Variants in URB1 observed in about 807,000 individuals in gnomAD.
URB1 encodes nucleolar pre-ribosomal-associated protein 1.
URB1 carries 197 observed loss-of-function variants against 242.3 expected under a neutral mutation model. That is an observed-to-expected ratio of 0.81 (90% CI 0.72 to 0.91). URB1 has a LOEUF of 0.91. URB1 is among the 40% of genes least tolerant of loss of function. The pLI, the probability that URB1 is intolerant of heterozygous loss-of-function variation, is 0.00. For synonymous variants in URB1, 1,153 were observed against 1,201.8 expected (o/e 0.96, Z 0.84); for missense variants, 2,721 against 2,860.5 (o/e 0.95, Z 1.11).
At position 32,311,336 on chromosome 21, in the gene URB1, G is replaced by A; in HGVS notation, c.*3582C>T. On this transcript the variant is annotated 3_prime_UTR_variant, in exon 39 of 39. Transcript: ENST00000382751. ...AACCATATCACCAAGATACAAGTTGGCTTGGGCTATGGATATAAAATGAAC... is the reference window on the plus strand; with the variant it reads ...AACCATATCACCAAGATACAAGTTGACTTGGGCTATGGATATAAAATGAAC... 3.7e-6 allele frequency: 1 copy of A among 271,774 alleles called. No homozygotes were observed. 16.8% of individuals were successfully genotyped at this position (271,774 alleles called of 1,614,324 possible).
In URB1 at chr21:32,345,428, C is replaced by T. The variant is rs1301946378; in HGVS notation, c.4016G>A (p.Ser1339Asn). The change falls in exon 23 of 39, where the codon AGT becomes AAT. Residue 1339 changes from serine (S) to asparagine (N), a missense_variant. Physicochemically the swap from Ser to Asn is conservative, Grantham distance 46. Coordinates refer to ENST00000382751, the MANE Select transcript of URB1 (RefSeq NM_014825.3). ...LVPFARAKDL[S>N]VLMDRLPSLL... ...GCTGGGCAGGCGGTCCATGAGTACA[C>T]TGAGATCCTTGGCTCGTGCAAACGG... 1.3e-6 allele frequency: 2 copies of T among 1,551,628 alleles called. No homozygotes were observed. The highest frequency in any genetic ancestry group is 1.7e-6 in the Non-Finnish European group (2 of 1,146,984).
intron 26 of URB1, 91 bp downstream of exon 26, chr21:32,338,616 C>A (rs1261584621): frequency 7.2e-7 from 1 of 1,396,430 alleles, no homozygotes; most frequent in African/African-American, 1.4e-5. Context: ...GCTCCGAGAG[C>A]CGGAGGGAGA....
rs2032633478 is a variant in URB1, at chr21:32,313,823, T to C, written c.*1095A>G. 1 of 152,240 alleles carries C rather than the reference T, an allele frequency of 6.6e-6. No individual in the cohort carries two copies. The highest frequency in any genetic ancestry group is 6.5e-5 in the Admixed American group (1 of 15,286). The allele number at this position is 152,240 out of a possible 1,614,324, so 9.4% of individuals were successfully genotyped here. ...TAACTGTGAAAACCACGAAATTTCA[T>C]GACTTTTGTCAGCTACAACCCCAAC... On this transcript the variant is annotated 3_prime_UTR_variant, in exon 39 of 39. Coordinates refer to ENST00000382751, the MANE Select transcript of URB1 (RefSeq NM_014825.3).
Position 32,314,737 on chromosome 21 carries a change from T to C in URB1, c.*181A>G, listed in dbSNP as rs887283695. On this transcript the variant is annotated 3_prime_UTR_variant, in exon 39 of 39. Coordinates refer to ENST00000382751, the MANE Select transcript of URB1 (RefSeq NM_014825.3). ...CTGGGCACCTACAGGCCCGAGTTTA[T>C]CATTTACTGGGCAGTTCAATAAAGT... 9 of 1,480,988 alleles carry C rather than the reference T, an allele frequency of 6.1e-6. No homozygotes were observed. Among genetic ancestry groups the C allele is most frequent in the Non-Finnish European group, 9.4e-7 (1 of 1,067,168 alleles). The allele number at this position is 1,480,988 out of a possible 1,614,324, so 91.7% of individuals were successfully genotyped here.
rs553206075 is a variant in URB1 at position 32,347,047 on chromosome 21, G to A, written c.3777C>T (p.Leu1259=). Residue 1259 remains leucine (L), a synonymous_variant, in exon 22 of 39, where the codon CTC becomes CTT. Coordinates refer to ENST00000382751, the MANE Select transcript of URB1 (RefSeq NM_014825.3). The part of the protein sequence containing the change: ...EQWCLQAGPG[L]GLQGDLDDFL... Reference sequence around the variant, plus strand: ...AGTCGTCCAGGTCCCCCTGGAGGCCGAGCCCTGGGCCAGCCTGCAGGCACC... The same window carrying A: ...AGTCGTCCAGGTCCCCCTGGAGGCCAAGCCCTGGGCCAGCCTGCAGGCACC... 134 of 1,549,854 alleles carry A rather than the reference G, an allele frequency of 8.6e-5. 2 individuals are homozygous for A. The Middle Eastern group carries it at 2.0e-3, about 24-fold the overall frequency.
chr21:32,316,417 C>T, intron 38 of URB1, 49 bp downstream of exon 38: 1 of 1,459,534 alleles, frequency 6.9e-7, no homozygotes, highest in Non-Finnish European at 9.1e-7. Context: ...GCCCCCAGGC[C>T]CACTTCTGCA....
intron 25 of URB1, among the ~76,000 whole-genome samples, chr21:32,341,179 A>G (rs890690874): frequency 6.6e-6 from 1 of 152,238 alleles, no homozygotes; most frequent in Non-Finnish European, 1.5e-5. Flanking sequence ...AAACAGGACA[A>G]ACACAGAAAA....
At chr21:32,386,151 G>GA (rs10717995) in intron 1 of URB1, among the ~76,000 whole-genome samples, 1,297 of 126,444 alleles carry the variant, frequency 0.01, 16 homozygotes, top group East Asian at 0.084. Context: ...TCTGTCTCAG[G>GA]AAAAAAAAAA....
intron 5 of URB1, among the ~76,000 whole-genome samples, chr21:32,376,951 G>A (rs369755194): frequency 6.6e-6 from 1 of 152,160 alleles, no homozygotes; most frequent in African/African-American, 2.4e-5. Context: ...TGTGAGCCAC[G>A]ACGGCCAGCC....
At chr21:32,328,676 G>C (rs1043838605) in intron 30 of URB1, among the ~76,000 whole-genome samples, 1 of 152,126 alleles carries the variant, frequency 6.6e-6, no homozygotes, top group African/African-American at 2.4e-5. Context: ...CAGCTGGCTG[G>C]GATATTTTTA....
intron 21 of URB1, 29 bp downstream of exon 21, chr21:32,349,275 A>AT (rs1237495837): frequency 1.3e-6 from 2 of 1,501,728 alleles, no homozygotes; most frequent in Non-Finnish European, 1.8e-6. Flanking sequence ...GACTCTGAGA[A>AT]TAGGCTACCA....
At position 32,314,181 on chromosome 21, in the gene URB1, A is replaced by G; in HGVS notation, c.*737T>C. 5.1e-6 allele frequency: 1 copy of G among 196,656 alleles called. No homozygotes were observed. Among genetic ancestry groups the G allele is most frequent in the South Asian group, 9.4e-5 (1 of 10,590 alleles). 12.2% of individuals were successfully genotyped at this position (196,656 alleles called of 1,614,324 possible). ...TGTTATGACTTTTTATAGAAAAACA[A>G]ACTTTATTTTTTTATTTTTTTGAGA... On this transcript the variant is annotated 3_prime_UTR_variant, in exon 39 of 39. Transcript: ENST00000382751.
rs1038678189 is a variant in URB1, at chr21:32,355,384, T to C, written c.2106+65A>G. On this transcript the variant is annotated intron_variant, in intron 16 of 38. Transcript: ENST00000382751. ...TGCTGGTGCATCAAAAATGCCTCGA[T>C]GACGCTAAGAAGTTAATATAATTAT... The C allele has an allele frequency of 1.9e-5, 28 of 1,444,228 alleles. No homozygotes were observed. The Admixed American group carries it at 5.6e-4, about 29-fold the overall frequency. 89.5% of individuals were successfully genotyped at this position (1,444,228 alleles called of 1,614,324 possible).
At chr21:32,345,227 G>T in intron 23 of URB1, 147 bp downstream of exon 23, 1 of 878,650 alleles carries the variant, frequency 1.1e-6, no homozygotes, top group Non-Finnish European at 1.7e-6. Context: ...CAGGCAGGAT[G>T]GCTGGAAGTA....
Position 32,354,870 on chromosome 21 carries a change from G to A in URB1, c.2234C>T (p.Ser745Phe), listed in dbSNP as rs965863383. The change falls in exon 17 of 39, where the codon TCC becomes TTC. Residue 745 changes from serine to phenylalanine, a missense_variant. Physicochemically the swap from Ser to Phe is radical, Grantham distance 155. Coordinates refer to ENST00000382751, the MANE Select transcript of URB1 (RefSeq NM_014825.3). ...AGAATGGAACATACCGTCAATGTGGGAGATGGGAATGCTCATGTCATCGGC... is the reference window on the plus strand; with the variant it reads ...AGAATGGAACATACCGTCAATGTGGAAGATGGGAATGCTCATGTCATCGGC... Reference protein sequence around the residue: ...QEADDMSIPISHIDDVLDMVD... With the variant: ...QEADDMSIPIFHIDDVLDMVD... The A allele has an allele frequency of 3.7e-5, 57 of 1,552,250 alleles. No homozygotes were observed. Among genetic ancestry groups the A allele is most frequent in the Non-Finnish European group, 4.7e-5 (54 of 1,147,124 alleles).
At chr21:32,332,311 T>C (rs1224670428) in intron 30 of URB1, among the ~76,000 whole-genome samples, 1 of 151,644 alleles carries the variant, frequency 6.6e-6, no homozygotes, top group Admixed American at 6.6e-5. Context: ...ACTGACCAAA[T>C]GGGCTTCATC....
Position 32,325,346 on chromosome 21 carries a change from C to A in URB1, c.5004G>T (p.Leu1668=), listed in dbSNP as rs1169026312. Residue 1668 remains leucine, a synonymous_variant, in exon 31 of 39, where the codon CTG becomes CTT. Coordinates refer to ENST00000382751, the MANE Select transcript of URB1 (RefSeq NM_014825.3). ...DCRKFLDSNA[L]GLTVTALSSY... is the part of the protein sequence containing the mutation. Reference sequence around the variant, plus strand: ...TGCTGAGGGCTGTGACAGTTAGGCCCAGAGCATTTGAATCCAAAAATTTTC... The same window carrying A: ...TGCTGAGGGCTGTGACAGTTAGGCCAAGAGCATTTGAATCCAAAAATTTTC... 28 of 1,551,498 alleles carry A rather than the reference C, an allele frequency of 1.8e-5. No homozygotes were observed. Among genetic ancestry groups the A allele is most frequent in the Admixed American group, 5.9e-5 (3 of 50,980 alleles).
At position 32,314,737 on chromosome 21, in the gene URB1, T is replaced by A. The variant is rs887283695; in HGVS notation, c.*181A>T. ...CTGGGCACCTACAGGCCCGAGTTTATCATTTACTGGGCAGTTCAATAAAGT... is the reference window on the plus strand; with the variant it reads ...CTGGGCACCTACAGGCCCGAGTTTAACATTTACTGGGCAGTTCAATAAAGT... On this transcript the variant is annotated 3_prime_UTR_variant, in exon 39 of 39. Transcript: ENST00000382751. 6.8e-7 allele frequency: 1 copy of A among 1,480,988 alleles called. No homozygotes were observed. The highest frequency in any genetic ancestry group is 1.4e-5 in the African/African-American group (1 of 72,100). The allele number at this position is 1,480,988 out of a possible 1,614,324, so 91.7% of individuals were successfully genotyped here. A position where few individuals can be genotyped will look rare whatever the true frequency, so the allele number is the denominator to read the frequency against.
intron 6 of URB1, among the ~76,000 whole-genome samples, chr21:32,374,742 A>G (rs986061778): frequency 1.3e-5 from 2 of 152,224 alleles, no homozygotes; most frequent in African/African-American, 2.4e-5. Context: ...CTGTCTCCCC[A>G]CTAGGCACCA....
Sources: allele counts gnomAD v4.1 joint callset (sites outside exome capture counted in the v4.1 genomes callset), GRCh38; gene constraint gnomAD v4.1.1; transcripts MANE v1.5; gene names NCBI Gene and HGNC (gene_info 2026-07-23, HGNC 2026-07-21).